The following GPM6A variants were observed in gnomAD, a reference collection of about 807,000 sequenced individuals.
GPM6A encodes the protein neuronal membrane glycoprotein M6-a.
GPM6A carries 7 observed loss-of-function variants against 32.1 expected under a neutral mutation model. That is an observed-to-expected ratio of 0.22 (90% CI 0.12 to 0.41). The LOEUF (loss-of-function observed/expected upper bound fraction) is 0.41, where lower values mean the gene tolerates loss of function less well. GPM6A is among the 10% of genes least tolerant of loss of function. The pLI, the probability that GPM6A is intolerant of heterozygous loss-of-function variation, is 1.00. For missense variants in GPM6A, 235 were observed against 347.2 expected, an observed-to-expected ratio of 0.68 and a Z score of 2.57; for synonymous variants, 130 against 123.4, an observed-to-expected ratio of 1.05 and a Z score of -0.35.
chr4:175,897,274 G>A (rs1320963554), intron 1 of GPM6A, among the ~76,000 whole-genome samples: 2 of 152,100 alleles, frequency 1.3e-5, no homozygotes, highest in African/African-American at 4.8e-5. Context: ...CAGAGGAGCT[G>A]CATTTGAGAG....
chr4:175,841,951 A>C (rs1735949743), intron 1 of GPM6A, among the ~76,000 whole-genome samples: 1 of 152,150 alleles, frequency 6.6e-6, no homozygotes, highest in South Asian at 2.1e-4. Flanking sequence ...ATATTATTTT[A>C]AGATAATATA....
chr4:175,923,705 C>T (rs572680474), intron 1 of GPM6A, among the ~76,000 whole-genome samples: 1 of 152,178 alleles, frequency 6.6e-6, no homozygotes, highest in South Asian at 2.1e-4. Flanking sequence ...AGGCATGCAC[C>T]ACCATGCCCA....
intron 1 of GPM6A, among the ~76,000 whole-genome samples, chr4:175,785,303 T>G (rs1733758780): frequency 6.6e-6 from 1 of 152,166 alleles, no homozygotes; most frequent in South Asian, 2.1e-4. Flanking sequence ...CTCTTAGACA[T>G]TCCAGCCCAA....
At chr4:175,909,438 TATTC>T (rs1738245116) in intron 1 of GPM6A, among the ~76,000 whole-genome samples, 1 of 152,164 alleles carries the variant, frequency 6.6e-6, no homozygotes, top group Non-Finnish European at 1.5e-5. Context: ...TTACCATACT[TATTC>T]ATGAGTAAAC....
chr4:175,919,805 G>T (rs2111523377), intron 1 of GPM6A, among the ~76,000 whole-genome samples: 1 of 152,294 alleles, frequency 6.6e-6, no homozygotes, highest in South Asian at 2.1e-4. Context: ...ACCAAGTAGG[G>T]ATCCAATTCA....
intron 1 of GPM6A, among the ~76,000 whole-genome samples, chr4:175,882,682 T>C (rs1159684617): frequency 6.6e-6 from 1 of 152,008 alleles, no homozygotes; most frequent in Non-Finnish European, 1.5e-5. Context: ...CCAGGTGCTA[T>C]GCCAGACATG....
chr4:175,811,706 T>G (rs945210246), intron 1 of GPM6A, among the ~76,000 whole-genome samples: 1 of 152,226 alleles, frequency 6.6e-6, no homozygotes, highest in African/African-American at 2.4e-5. Flanking sequence ...TTAGTTTTTA[T>G]TTTTTAAAGA....
At chr4:175,880,571 G>C (rs1737239290) in intron 1 of GPM6A, among the ~76,000 whole-genome samples, 1 of 152,078 alleles carries the variant, frequency 6.6e-6, no homozygotes, top group African/African-American at 2.4e-5. Context: ...GTTGAGTAGT[G>C]GTTTGCAGTT....
chr4:175,744,585 A>T (rs1732022888), intron 1 of GPM6A, among the ~76,000 whole-genome samples: 2 of 152,056 alleles, frequency 1.3e-5, no homozygotes, highest in South Asian at 2.1e-4. Context: ...TTTCTTTTTT[A>T]AAAAATAGCC....
chr4:175,665,002 T>C (rs1016768600), intron 3 of GPM6A, among the ~76,000 whole-genome samples: 21 of 152,196 alleles, frequency 1.4e-4, no homozygotes, highest in African/African-American at 4.8e-4. Context: ...GGATGGTAAG[T>C]ATTTGTGTCT....
At chr4:175,718,610 T>G (rs577284590) in intron 1 of GPM6A, among the ~76,000 whole-genome samples, 1 of 151,972 alleles carries the variant, frequency 6.6e-6, no homozygotes, top group East Asian at 1.9e-4. Flanking sequence ...ACTAAGACTC[T>G]GTCGAAAAAA....
At chr4:175,969,502 A>C (rs963040203) in intron 1 of GPM6A, among the ~76,000 whole-genome samples, 4 of 152,160 alleles carry the variant, frequency 2.6e-5, no homozygotes, top group African/African-American at 9.7e-5. Context: ...TGAGGTCAGG[A>C]GTTCGAAGCC....
At chr4:175,867,066 T>C (rs1323667658) in intron 1 of GPM6A, among the ~76,000 whole-genome samples, 2 of 152,156 alleles carry the variant, frequency 1.3e-5, no homozygotes, top group East Asian at 3.9e-4. Flanking sequence ...TGATAAGGGG[T>C]CTGTTAAGGT....
intron 1 of GPM6A, among the ~76,000 whole-genome samples, chr4:175,918,373 A>G (rs9683504): frequency 0.97 from 148,240 of 152,170 alleles, 72,338 homozygotes; most frequent in East Asian, 1. Context: ...AGGCTTTAGG[A>G]GAAAAAATAG....
chr4:175,647,525 C>T (rs537251596), intron 4 of GPM6A, among the ~76,000 whole-genome samples: 11 of 152,082 alleles, frequency 7.2e-5, no homozygotes, highest in East Asian at 1.9e-4. Flanking sequence ...TAGAACTGTT[C>T]GAAATGCATA....
At chr4:175,977,034 A>G (rs1260219183) in intron 1 of GPM6A, among the ~76,000 whole-genome samples, 1 of 152,232 alleles carries the variant, frequency 6.6e-6, no homozygotes, top group Non-Finnish European at 1.5e-5. Flanking sequence ...CTACAAGCTA[A>G]TATGTTAATA....
chr4:175,738,405 T>C (rs940611700), intron 1 of GPM6A, among the ~76,000 whole-genome samples: 3 of 152,144 alleles, frequency 2.0e-5, no homozygotes, highest in Non-Finnish European at 4.4e-5. Flanking sequence ...TTATGGTCAG[T>C]ACTACCATTT....
intron 1 of GPM6A, among the ~76,000 whole-genome samples, chr4:175,893,153 G>A (rs1382950353): frequency 6.6e-6 from 1 of 152,190 alleles, no homozygotes; most frequent in Non-Finnish European, 1.5e-5. Flanking sequence ...AAACCTACGA[G>A]CCTGATGCTC....
intron 1 of GPM6A, among the ~76,000 whole-genome samples, chr4:175,988,945 G>A (rs529356972): frequency 5.0e-4 from 76 of 152,244 alleles, no homozygotes; most frequent in African/African-American, 1.6e-3. Flanking sequence ...GAAGAAGAAA[G>A]CCAGGGACAA....
Sources: allele counts gnomAD v4.1 joint callset (sites outside exome capture counted in the v4.1 genomes callset), GRCh38; gene constraint gnomAD v4.1.1; transcripts MANE v1.5; gene names NCBI Gene and HGNC (gene_info 2026-07-23, HGNC 2026-07-21).